The following CPLANE1 variants were observed in gnomAD, a reference collection of about 807,000 sequenced individuals.
The protein encoded by CPLANE1 is ciliogenesis and planar polarity effector complex subunit 1.
A neutral mutation model predicts 362.5 loss-of-function variants in CPLANE1; 263 were observed. The ratio of observed to expected loss-of-function variants is 0.73; its 90% CI spans 0.66 to 0.80. The LOEUF (loss-of-function observed/expected upper bound fraction) is 0.80, where lower values mean the gene tolerates loss of function less well. Among genes scored for constraint, CPLANE1 ranks in the 30% least tolerant of loss-of-function variants. The pLI is 0.00. For missense variants in CPLANE1, 3,461 were observed against 3,793.4 expected, an observed-to-expected ratio of 0.91 and a Z score of 2.30; for synonymous variants, 1,212 against 1,302.6, an observed-to-expected ratio of 0.93 and a Z score of 1.50.
At chr5:37,175,445 G>A (rs1561498392) in intron 31 of CPLANE1, among the ~76,000 whole-genome samples, 1 of 152,202 alleles carries the variant, frequency 6.6e-6, no homozygotes, top group Non-Finnish European at 1.5e-5. Context: ...GTCTCAAGGA[G>A]ATCGATTCTA....
At chr5:37,172,794 T>G (rs545862787) in intron 32 of CPLANE1, among the ~76,000 whole-genome samples, 120 of 152,264 alleles carry the variant, frequency 7.9e-4, no homozygotes, top group Non-Finnish European at 1.5e-3. Flanking sequence ...GAGACCAGCC[T>G]GGCCAACATG....
In CPLANE1 at chr5:37,206,402, G is replaced by C; in HGVS notation, c.2944C>G (p.Leu982Val). ...ACACTGGCCACCTTAGAGTGTTGCAGAGGAATAAGTCGAAAGGACTGCTCT... is the reference window on the plus strand; with the variant it reads ...ACACTGGCCACCTTAGAGTGTTGCACAGGAATAAGTCGAAAGGACTGCTCT... ...KTEQSFRLIP[L>V]QHSKVASVVR... The change falls in exon 17 of 53, where the codon CTG becomes GTG. Residue 982 changes from leucine (L) to valine (V), a missense_variant. This residue lies in a region of CPLANE1 where 3,380 missense variants were observed against 3,666.1 expected (regional missense o/e 0.92). Coordinates refer to ENST00000651892, the MANE Select transcript of CPLANE1 (RefSeq NM_001384732.1). 1 of 1,551,286 alleles carries C rather than the reference G, an allele frequency of 6.4e-7. No homozygotes were observed. Among genetic ancestry groups the C allele is most frequent in the Non-Finnish European group, 8.7e-7 (1 of 1,146,588 alleles).
chr5:37,125,124 C>CTT, intron 47 of CPLANE1, 120 bp downstream of exon 47: 1 of 1,404,108 alleles, frequency 7.1e-7, no homozygotes, highest in South Asian at 1.5e-5. Flanking sequence ...AAAACATTTA[C>CTT]TTTTCTATAT....
the CPLANE1 span, among the ~76,000 whole-genome samples, chr5:37,089,272 G>A: frequency 6.6e-6 from 1 of 152,124 alleles, no homozygotes; most frequent in Non-Finnish European, 1.5e-5. Context: ...AACATGCTAT[G>A]ATTCAGAAGG....
chr5:37,087,142 T>C, the CPLANE1 span, among the ~76,000 whole-genome samples: 1 of 152,120 alleles, frequency 6.6e-6, no homozygotes, highest in Non-Finnish European at 1.5e-5. Flanking sequence ...TAGTAAACCA[T>C]AACACATGGT....
chr5:37,242,929 C>A, intron 6 of CPLANE1, 84 bp downstream of exon 6: 2 of 851,170 alleles, frequency 2.3e-6, no homozygotes, highest in Non-Finnish European at 3.7e-6. Context: ...GCCACTACCC[C>A]CCAGTCTGGG....
chr5:37,185,122 T>C, intron 24 of CPLANE1, 43 bp from the exon 25 acceptor site: 1 of 1,543,998 alleles, frequency 6.5e-7, no homozygotes, highest in South Asian at 1.3e-5. Context: ...CATTAAAATA[T>C]TTCAATTCAA....
chr5:37,220,191 A>T (rs1381355061), intron 15 of CPLANE1, among the ~76,000 whole-genome samples: 2 of 152,012 alleles, frequency 1.3e-5, no homozygotes, highest in African/African-American at 4.8e-5. Context: ...GCCAGAGGTC[A>T]GATAAGCTAA....
chr5:37,177,811 C>CA (rs780389601), intron 29 of CPLANE1, 111 bp from the exon 30 acceptor site: 1 of 779,022 alleles, frequency 1.3e-6, no homozygotes, highest in Non-Finnish European at 2.2e-6. Flanking sequence ...CAACAGTCTA[C>CA]AAGCAAGTGA....
intron 9 of CPLANE1, among the ~76,000 whole-genome samples, chr5:37,229,146 G>C (rs974658448): frequency 6.9e-5 from 10 of 144,188 alleles, no homozygotes; most frequent in African/African-American, 2.3e-4. Flanking sequence ...GAACACGGGA[G>C]GTGGTGGTTG....
chr5:37,221,605 A>G, intron 14 of CPLANE1, 117 bp from the exon 15 acceptor site: 1 of 556,440 alleles, frequency 1.8e-6, no homozygotes, highest in Non-Finnish European at 2.8e-6. Context: ...TACACTCATG[A>G]TATGTAAACT....
chr5:37,230,848 C>A lies in CPLANE1; in HGVS notation c.1121+19G>T. 1.4e-6 allele frequency: 2 copies of A among 1,384,222 alleles called. No homozygotes were observed. The highest frequency in any genetic ancestry group is 1.8e-5 in the South Asian group (1 of 55,068). 85.7% of individuals were successfully genotyped at this position (1,384,222 alleles called of 1,614,324 possible). A position where few individuals can be genotyped will look rare whatever the true frequency, so the allele number is the denominator to read the frequency against. The stretch of plus-strand genomic sequence containing the variant: ...GAAAAAAAATCTATAAACAAATTAA[C>A]ACAATTCAAATGTCTCACCTATACG... On this transcript the variant is annotated intron_variant, in intron 9 of 52. Coordinates refer to ENST00000651892, the MANE Select transcript of CPLANE1 (RefSeq NM_001384732.1).
At position 37,226,605 on chromosome 5, in the gene CPLANE1, T is replaced by A; in HGVS notation, c.1990A>T (p.Thr664Ser). The change falls in exon 12 of 53, where the codon ACC becomes TCC. Residue 664 changes from threonine (T) to serine (S), a missense_variant. Thr to Ser is a moderately conservative substitution (Grantham distance 58). Around this residue, in one of 2 missense-constraint regions of CPLANE1, gnomAD observed 3,380 missense variants for 3,666.1 expected, o/e 0.92. Coordinates refer to ENST00000651892, the MANE Select transcript of CPLANE1 (RefSeq NM_001384732.1). ...KQDVGHLIKLTSNTVKLLLTQ... is the reference protein window; with the variant it reads ...KQDVGHLIKLSSNTVKLLLTQ... ...AGCAAAAGTTTTACAGTATTTGAGG[T>A]CAGCTTTATCAAATGCCCCACATCT... is the stretch of plus-strand genomic sequence containing the variant. 6.4e-7 allele frequency: 1 copy of A among 1,551,450 alleles called. No homozygotes were observed. The highest frequency in any genetic ancestry group is 8.7e-7 in the Non-Finnish European group (1 of 1,146,878).
chr5:37,152,715 G>A (rs527773757), intron 42 of CPLANE1, among the ~76,000 whole-genome samples: 13 of 152,084 alleles, frequency 8.5e-5, no homozygotes, highest in African/African-American at 2.4e-4. Context: ...GGGAGAACTC[G>A]TCTCCACAAA....
intron 4 of CPLANE1, 53 bp downstream of exon 4, chr5:37,245,426 C>T (rs895988074): frequency 1.1e-5 from 15 of 1,354,160 alleles, no homozygotes; most frequent in Non-Finnish European, 1.9e-6. Flanking sequence ...GTTTCATCCT[C>T]TTTTCCTATT....
chr5:37,088,843 G>A, the CPLANE1 span, among the ~76,000 whole-genome samples: 8 of 152,166 alleles, frequency 5.3e-5, no homozygotes, highest in African/African-American at 1.9e-4. Context: ...TAGTCCTAGG[G>A]TGGTCTAGCC....
At chr5:37,246,056 GCTA>G (rs1739517314) in intron 2 of CPLANE1, 2 of 344,644 alleles carry the variant, frequency 5.8e-6, no homozygotes, top group African/African-American at 2.1e-5. Flanking sequence ...AATAGGTAAG[GCTA>G]CCTAGTAGTT....
chr5:37,218,598 G>A (rs1307971658), intron 15 of CPLANE1, among the ~76,000 whole-genome samples: 1 of 152,006 alleles, frequency 6.6e-6, no homozygotes, highest in East Asian at 1.9e-4. Flanking sequence ...GTAATTTTGG[G>A]GTCCCCAACC....
At chr5:37,225,017 C>G (rs1184642190) in intron 12 of CPLANE1, among the ~76,000 whole-genome samples, 2 of 150,892 alleles carry the variant, frequency 1.3e-5, no homozygotes, top group Non-Finnish European at 3.0e-5. Context: ...ACTCCTGGGC[C>G]CAAGCGATCA....
Sources: gnomAD v4.1 joint callset for allele counts (sites outside exome capture counted in the v4.1 genomes callset) on GRCh38, gnomAD v4.1.1 for gene constraint, gnomAD v4.1.1 regional missense constraint, MANE v1.5 for transcripts, NCBI Gene and HGNC (gene_info 2026-07-23, HGNC 2026-07-21) for gene names.